Variants in CCDC102B observed in about 807,000 individuals in gnomAD.
The protein encoded by CCDC102B is coiled-coil domain containing 102B.
In CCDC102B, 75 loss-of-function variants were observed where a neutral mutation model predicts 57.4. That is an observed-to-expected ratio of 1.31 (90% CI 1.08 to 1.58). The LOEUF (loss-of-function observed/expected upper bound fraction) is 1.58. Among genes scored for constraint, CCDC102B ranks in the 40% most tolerant of loss-of-function variants. The pLI, the probability that CCDC102B is intolerant of heterozygous loss-of-function variation, is 0.00. For synonymous variants in CCDC102B, 206 were observed against 201.9 expected (o/e 1.02, Z -0.17); for missense variants, 636 against 582.6 (o/e 1.09, Z -0.94).
chr18:69,024,445 A>G (rs561866176), intron 7 of CCDC102B, among the ~76,000 whole-genome samples: 4 of 152,230 alleles, frequency 2.6e-5, no homozygotes, highest in Non-Finnish European at 5.9e-5. Context: ...TACATATGCT[A>G]GAGCTATAAG....
chr18:68,719,349 A>T (rs1216015220), intron 2 of CCDC102B, among the ~76,000 whole-genome samples: 1 of 152,200 alleles, frequency 6.6e-6, no homozygotes, highest in East Asian at 1.9e-4. Context: ...CAAGCTGGAG[A>T]ACCAGAAAGC....
chr18:68,899,840 C>T lies in CCDC102B; in HGVS notation c.1263+2412C>T, dbSNP rs147473274. On this transcript the variant is annotated intron_variant, in intron 6 of 7. Transcript: ENST00000360242. ...ATAGAGAATGCATTTTTAAAGAAAACGACTTCCAGTTTTAAATTGCACTAT... is the reference window on the plus strand; with the variant it reads ...ATAGAGAATGCATTTTTAAAGAAAATGACTTCCAGTTTTAAATTGCACTAT... The T allele has an allele frequency of 3.3e-5, 5 of 152,080 alleles. No individual in the cohort carries two copies. In the East Asian group the frequency reaches 7.7e-4, roughly 24 times the overall value. 9.4% of individuals were successfully genotyped at this position (152,080 alleles called of 1,614,324 possible).
intron 2 of CCDC102B, among the ~76,000 whole-genome samples, chr18:68,780,722 G>C (rs1039108108): frequency 6.6e-6 from 1 of 152,024 alleles, no homozygotes; most frequent in Non-Finnish European, 1.5e-5. Flanking sequence ...AAGTCTTTCC[G>C]TGTTTCTGGG....
intron 6 of CCDC102B, among the ~76,000 whole-genome samples, chr18:68,957,415 T>C (rs1389490307): frequency 6.6e-6 from 1 of 152,062 alleles, no homozygotes; most frequent in Non-Finnish European, 1.5e-5. Flanking sequence ...TGAAAATGAG[T>C]TCATTTTAGA....
chr18:68,911,763 A>AAAAAAAAAAAAAAAAC (rs2040880432), intron 6 of CCDC102B, among the ~76,000 whole-genome samples: 2 of 141,902 alleles, frequency 1.4e-5, no homozygotes, highest in Non-Finnish European at 3.1e-5. Context: ...AAAAAAAAAA[A>AAAAAAAAAAAAAAAAC]AAAAAAAAAA....
intron 6 of CCDC102B, among the ~76,000 whole-genome samples, chr18:68,977,766 G>A (rs1011868594): frequency 4.6e-5 from 7 of 151,986 alleles, no homozygotes; most frequent in Admixed American, 2.0e-4. Flanking sequence ...AACTATAGGT[G>A]CAGATAAACT....
intron 6 of CCDC102B, among the ~76,000 whole-genome samples, chr18:68,933,095 CAT>C (rs869191999): frequency 9.3e-5 from 11 of 118,246 alleles, no homozygotes; most frequent in Middle Eastern, 4.4e-3. Context: ...ATTTACTCCT[CAT>C]AAAAAAAAAA....
chr18:68,965,808 A>G (rs977156877), intron 6 of CCDC102B, among the ~76,000 whole-genome samples: 1 of 152,064 alleles, frequency 6.6e-6, no homozygotes, highest in Non-Finnish European at 1.5e-5. Context: ...TATGTGATGA[A>G]ATCTGGATCA....
chr18:69,054,008 G>T, intron 7 of CCDC102B, 22 bp from the exon 8 acceptor site: 1 of 1,591,558 alleles, frequency 6.3e-7, no homozygotes. Context: ...CCTAACTAAA[G>T]CATTTTCTAC....
At chr18:68,893,552 G>A (rs1942301) in intron 5 of CCDC102B, among the ~76,000 whole-genome samples, 138,824 of 152,124 alleles carry the variant, frequency 0.91, 63,406 homozygotes, top group East Asian at 0.99. Context: ...CCTGGAGACT[G>A]TCATTATCTG....
intron 2 of CCDC102B, among the ~76,000 whole-genome samples, chr18:68,838,235 T>C (rs1398696058): frequency 6.6e-6 from 1 of 152,152 alleles, no homozygotes; most frequent in Non-Finnish European, 1.5e-5. Context: ...ATTAAAGCAA[T>C]AAGGGGAACT....
At chr18:68,956,452 TTATATATTTTA>T (rs2049875647) in intron 6 of CCDC102B, among the ~76,000 whole-genome samples, 3 of 7,982 alleles carry the variant, frequency 3.8e-4, no homozygotes, top group African/African-American at 1.5e-3. Flanking sequence ...ATTATATATA[TTATATATTTTA>T]TATATATATT....
intron 2 of CCDC102B, among the ~76,000 whole-genome samples, chr18:68,735,940 GTATAAGGT>G (rs1448469168): frequency 3.3e-5 from 5 of 152,216 alleles, no homozygotes; most frequent in Admixed American, 6.5e-5. Flanking sequence ...TCATGTGGTA[GTATAAGGT>G]TATGCAGGCA....
At chr18:68,812,569 G>C (rs182465845) in intron 1 of CCDC102B, among the ~76,000 whole-genome samples, 2 of 152,296 alleles carry the variant, frequency 1.3e-5, no homozygotes, top group East Asian at 3.9e-4. Flanking sequence ...TAAATACCCC[G>C]TAGCAGAAGA....
chr18:68,955,125 G>A (rs991731552), intron 6 of CCDC102B, among the ~76,000 whole-genome samples: 3 of 152,102 alleles, frequency 2.0e-5, no homozygotes, highest in Non-Finnish European at 4.4e-5. Flanking sequence ...TTATTGCTTT[G>A]AAGCAATGTG....
At chr18:68,832,156 G>A (rs2037171056) in intron 1 of CCDC102B, among the ~76,000 whole-genome samples, 2 of 151,588 alleles carry the variant, frequency 1.3e-5, no homozygotes, top group South Asian at 2.1e-4. Context: ...TTAAGATAAA[G>A]CAATAACGAT....
intron 4 of CCDC102B, among the ~76,000 whole-genome samples, chr18:68,848,257 A>T (rs1280715239): frequency 6.6e-6 from 1 of 151,966 alleles, no homozygotes; most frequent in East Asian, 1.9e-4. Flanking sequence ...TTAAAATTTC[A>T]TGTAAATTAT....
At chr18:68,809,760 G>A (rs1222785552) in intron 1 of CCDC102B, among the ~76,000 whole-genome samples, 2 of 152,134 alleles carry the variant, frequency 1.3e-5, no homozygotes, top group African/African-American at 4.8e-5. Flanking sequence ...TTTGTCGAAT[G>A]AATAAATTCA....
chr18:69,002,461 T>C (rs2051228984), intron 6 of CCDC102B, among the ~76,000 whole-genome samples: 1 of 152,170 alleles, frequency 6.6e-6, no homozygotes. Context: ...GCCAAATGTT[T>C]GTGAAAAATA....
Sources: allele counts gnomAD v4.1 joint callset (sites outside exome capture counted in the v4.1 genomes callset), GRCh38; gene constraint gnomAD v4.1.1; transcripts MANE v1.5; gene names NCBI Gene and HGNC (gene_info 2026-07-23, HGNC 2026-07-21).